CDK5RAP1: variants seen among roughly 807,000 people sequenced by gnomAD.
The protein encoded by CDK5RAP1 is CDK5RAP1 mitochondrial tRNA methylthiotransferase.
A neutral mutation model predicts 64.5 loss-of-function variants in CDK5RAP1; 62 were observed. The observed-to-expected ratio is 0.96, with a 90% CI of 0.78 to 1.19. The LOEUF is 1.19. Ranked by LOEUF, CDK5RAP1 falls within the 50% of genes most tolerant of loss-of-function variation. The pLI is 0.00. For synonymous variants in CDK5RAP1, 250 were observed against 261.9 expected (o/e 0.95, Z 0.44); for missense variants, 657 against 735.0 (o/e 0.89, Z 1.23).
chr20:33,371,272 C>T (rs1053440506), intron 10 of CDK5RAP1, among the ~76,000 whole-genome samples: 1 of 152,062 alleles, frequency 6.6e-6, no homozygotes, highest in Non-Finnish European at 1.5e-5. Context: ...CCAGCCTGGG[C>T]GACAGAATGA....
rs1051616803 is a variant in CDK5RAP1 at position 33,397,076 on chromosome 20, G to T, written c.-12C>A. 17 of 1,582,692 alleles carry T rather than the reference G, an allele frequency of 1.1e-5. No homozygotes were observed. The highest frequency in any genetic ancestry group is 1.5e-5 in the Non-Finnish European group (17 of 1,165,162). ...TGTAAAGGGTGCATGGCACTAAACA[G>T]CCCACAGTCTGCAAAAGAATGACAG... On this transcript the variant is annotated 5_prime_UTR_variant, in exon 2 of 14. It adds an upstream start codon to the 5' untranslated region. Coordinates refer to ENST00000346416, the MANE Select transcript of CDK5RAP1 (RefSeq NM_016408.4).
intron 5 of CDK5RAP1, among the ~76,000 whole-genome samples, chr20:33,388,993 G>T (rs895808274): frequency 1.3e-5 from 2 of 152,222 alleles, no homozygotes; most frequent in South Asian, 2.1e-4. Flanking sequence ...CCTCCCAGCC[G>T]CCTGCCTTGG....
intron 1 of CDK5RAP1, among the ~76,000 whole-genome samples, chr20:33,398,146 C>T (rs949686727): frequency 2.0e-5 from 3 of 152,158 alleles, no homozygotes; most frequent in African/African-American, 7.2e-5. Context: ...AAAGCATTTC[C>T]ACTCATAATT....
chr20:33,389,478 G>A (rs1365293813), intron 5 of CDK5RAP1, among the ~76,000 whole-genome samples: 2 of 151,832 alleles, frequency 1.3e-5, no homozygotes, highest in Admixed American at 6.6e-5. Flanking sequence ...CAGCCGCCCC[G>A]TCCGGGAGGG....
intron 7 of CDK5RAP1, among the ~76,000 whole-genome samples, chr20:33,381,085 A>G (rs1213666740): frequency 6.6e-6 from 1 of 151,066 alleles, no homozygotes; most frequent in Non-Finnish European, 1.5e-5. Flanking sequence ...TAATTTACAG[A>G]CAAACTGCAA....
In CDK5RAP1 at chr20:33,394,060, C is replaced by T. The variant is rs1988626546; in HGVS notation, c.415G>A (p.Val139Met). ...LRTSNLQEAD[V>M]ILLVTCSIRE... Reference sequence around the variant, plus strand: ...ATAGAGCATGTGACAAGGAGAATCACATCTGCCTGAATGGAAAGAAAGGAA... The same window carrying T: ...ATAGAGCATGTGACAAGGAGAATCATATCTGCCTGAATGGAAAGAAAGGAA... Residue 139 changes from valine to methionine, a missense_variant, in exon 4 of 14, where the codon GTG becomes ATG. Physicochemically the swap from Val to Met is conservative, Grantham distance 21. Coordinates refer to ENST00000346416, the MANE Select transcript of CDK5RAP1 (RefSeq NM_016408.4). The T allele has an allele frequency of 5.0e-6, 8 of 1,596,394 alleles. No homozygotes were observed. Among genetic ancestry groups the T allele is most frequent in the Non-Finnish European group, 6.9e-6 (8 of 1,163,764 alleles).
At chr20:33,388,234 T>C (rs941597630) in intron 5 of CDK5RAP1, among the ~76,000 whole-genome samples, 16 of 152,306 alleles carry the variant, frequency 1.1e-4, no homozygotes, top group South Asian at 6.2e-4. Context: ...TAGCCTATAA[T>C]ACTTGCTAAA....
At chr20:33,385,442 T>C (rs112597585) in intron 7 of CDK5RAP1, among the ~76,000 whole-genome samples, 8 of 152,186 alleles carry the variant, frequency 5.3e-5, no homozygotes, top group Non-Finnish European at 7.4e-5. Context: ...TGTAATCTCA[T>C]GCCCTCTCCA....
intron 7 of CDK5RAP1, among the ~76,000 whole-genome samples, chr20:33,381,833 T>C (rs889495512): frequency 6.6e-6 from 1 of 152,156 alleles, no homozygotes; most frequent in Non-Finnish European, 1.5e-5. Context: ...GGCTATTTAT[T>C]TGTGTAAGTT....
chr20:33,365,468 C>G (rs547838884), intron 12 of CDK5RAP1, among the ~76,000 whole-genome samples: 34 of 151,976 alleles, frequency 2.2e-4, no homozygotes, highest in Non-Finnish European at 4.6e-4. Context: ...GACGGTGATT[C>G]ACCATGTTGG....
intron 1 of CDK5RAP1, among the ~76,000 whole-genome samples, 183 bp from the exon 2 acceptor site, chr20:33,397,267 A>G (rs1388560425): frequency 1.3e-5 from 2 of 152,210 alleles, no homozygotes; most frequent in African/African-American, 2.4e-5. Context: ...AAGACCACAC[A>G]AAGGAGTGCC....
Position 33,360,556 on chromosome 20 carries a change from C to T in CDK5RAP1, c.1543-65G>A, listed in dbSNP as rs115710185. 5,130 of 1,449,442 alleles carry T rather than the reference C, an allele frequency of 3.5e-3. 135 individuals are homozygous for T. The African/African-American group carries it at 0.063, about 18-fold the overall frequency. The allele number at this position is 1,449,442 out of a possible 1,614,324, so 89.8% of individuals were successfully genotyped here. A position where few individuals can be genotyped will look rare whatever the true frequency, so the allele number is the denominator to read the frequency against. ...GTTGTAAGTTCTTGGAGGGTAGAAACTGTGCCTTCTCTGTCTCGGATCCCC... is the reference window on the plus strand; with the variant it reads ...GTTGTAAGTTCTTGGAGGGTAGAAATTGTGCCTTCTCTGTCTCGGATCCCC... On this transcript the variant is annotated intron_variant, in intron 12 of 13. Coordinates refer to ENST00000346416, the MANE Select transcript of CDK5RAP1 (RefSeq NM_016408.4).
In CDK5RAP1 at chr20:33,361,580, C is replaced by T. The variant is rs187211493; in HGVS notation, c.1543-1089G>A. On this transcript the variant is annotated intron_variant, in intron 12 of 13. Transcript: ENST00000346416. ...CTTGGAGGGTGGAAATTGTGCTCAT[C>T]GGTTCCTTGGGATATATTCACTAGC... Among the ~76,000 whole-genome samples, 20 of 152,264 alleles carry T rather than the reference C, an allele frequency of 1.3e-4. No homozygotes were observed. In the East Asian group the frequency reaches 3.1e-3, roughly 24 times the overall value.
chr20:33,361,426 T>C (rs538760598), intron 12 of CDK5RAP1, among the ~76,000 whole-genome samples: 4 of 152,288 alleles, frequency 2.6e-5, no homozygotes, highest in Admixed American at 6.5e-5. Context: ...ATGTGTAGCA[T>C]AAAACTCCAT....
Position 33,396,893 on chromosome 20 carries a change from TG to T in CDK5RAP1, c.171del (p.Arg58GlyfsTer12). On this transcript the variant is annotated frameshift_variant, in exon 2 of 14. Transcript: ENST00000346416. LOFTEE classifies it high-confidence loss of function. ...TGAAAAGTCGGTCCAGCAGCCAGCC[TG>T]GAGCTGAAATCCTTCCGAGCTCCAT... Reference protein sequence around the residue: ...QEDGARKDFSSRLAAGPTFQH... With the variant: ...QEDGARKDFSXRLAAGPTFQH... 6.2e-7 allele frequency: 1 copy of T among 1,614,240 alleles called. No individual in the cohort carries two copies. The highest frequency in any genetic ancestry group is 8.5e-7 in the Non-Finnish European group (1 of 1,180,028).
At chr20:33,383,868 T>C (rs1987082428) in intron 7 of CDK5RAP1, among the ~76,000 whole-genome samples, 1 of 150,392 alleles carries the variant, frequency 6.6e-6, no homozygotes. Flanking sequence ...GCCGAGATCA[T>C]ACCACTACAC....
intron 5 of CDK5RAP1, among the ~76,000 whole-genome samples, chr20:33,390,267 C>T (rs1988161085): frequency 8.1e-6 from 1 of 124,086 alleles, no homozygotes; most frequent in Admixed American, 9.2e-5. Context: ...AACTGAGACC[C>T]TGTCACCAAA....
At chr20:33,375,411 A>G (rs1425417291) in intron 8 of CDK5RAP1, among the ~76,000 whole-genome samples, 1 of 149,140 alleles carries the variant, frequency 6.7e-6, no homozygotes, top group Non-Finnish European at 1.5e-5. Context: ...CAAAAAAAAA[A>G]AAAAAAGAAA....
intron 10 of CDK5RAP1, 144 bp downstream of exon 10, chr20:33,372,498 G>T (rs190849728): frequency 2.0e-6 from 1 of 488,540 alleles, no homozygotes; most frequent in Non-Finnish European, 3.6e-6. Flanking sequence ...GAAAGAATAC[G>T]AGGAGAGAGA....
Sources: gnomAD v4.1 joint callset for allele counts (sites outside exome capture counted in the v4.1 genomes callset) on GRCh38, gnomAD v4.1.1 for gene constraint, MANE v1.5 for transcripts, NCBI Gene and HGNC (gene_info 2026-07-23, HGNC 2026-07-21) for gene names.